The following CDKN2AIPNL variants were observed in gnomAD, a reference collection of about 807,000 sequenced individuals.
CDKN2AIPNL encodes XRN2 binding domain containing 1.
In CDKN2AIPNL, 9 loss-of-function variants were observed where a neutral mutation model predicts 12.9. The observed-to-expected ratio is 0.70, with a 90% confidence interval of 0.42 to 1.22. The LOEUF is 1.22. Ranked by LOEUF, CDKN2AIPNL falls within the 50% of genes most tolerant of loss-of-function variation. CDKN2AIPNL has a pLI of 0.00. For synonymous variants in CDKN2AIPNL, 53 were observed against 61.7 expected, an observed-to-expected ratio of 0.86 and a Z score of 0.66; for missense variants, 143 against 153.6, an observed-to-expected ratio of 0.93 and a Z score of 0.37.
chr5:134,405,753 G>A (rs1759094705), intron 2 of CDKN2AIPNL, among the ~76,000 whole-genome samples: 1 of 152,130 alleles, frequency 6.6e-6, no homozygotes, highest in African/African-American at 2.4e-5. Flanking sequence ...TCCCTCTTGG[G>A]ATAAAAATGT....
chr5:134,404,461 C>A (rs907908840), intron 2 of CDKN2AIPNL, among the ~76,000 whole-genome samples: 1 of 152,040 alleles, frequency 6.6e-6, no homozygotes, highest in African/African-American at 2.4e-5. Flanking sequence ...GTAGCTGGGA[C>A]CACAGGCATG....
At position 134,408,037 on chromosome 5, in the gene CDKN2AIPNL, G is replaced by A. The variant is rs139758781; in HGVS notation, c.339+1866C>T. ...TCCCAGCTACTGGGGAGGCTGTGGC[G>A]CTAGAATCACTTGAGCCTGGGAGGC... On this transcript the variant is annotated intron_variant, in intron 2 of 2. Transcript: ENST00000458198. Among the ~76,000 whole-genome samples, 1,258 of 151,670 alleles carry A rather than the reference G, an allele frequency of 8.3e-3. 15 individuals carry two copies. Among genetic ancestry groups the A allele is most frequent in the African/African-American group, 0.028 (1,163 of 41,338 alleles).
In CDKN2AIPNL at chr5:134,402,597, C is replaced by T. The variant is rs973701940; in HGVS notation, c.*318G>A. The T allele has an allele frequency of 1.7e-5, 4 of 236,408 alleles. No homozygotes were observed. The highest frequency in any genetic ancestry group is 2.4e-5 in the Non-Finnish European group (3 of 123,768). 14.6% of individuals were successfully genotyped at this position (236,408 alleles called of 1,614,324 possible). A position where few individuals can be genotyped will look rare whatever the true frequency, so the allele number is the denominator to read the frequency against. ...CTGCACCTTTGTGCTTCTGCCTGGG[C>T]GACAGAGTGAGACCTTGTCGATAAG... On this transcript the variant is annotated 3_prime_UTR_variant, in exon 3 of 3. Coordinates refer to ENST00000458198, the MANE Select transcript of CDKN2AIPNL (RefSeq NM_080656.3).
intron 1 of CDKN2AIPNL, chr5:134,410,879 T>C: frequency 1.6e-6 from 1 of 630,190 alleles, no homozygotes; most frequent in South Asian, 1.8e-5. Context: ...CGAAGCTCTC[T>C]AATAGGGAGT....
At chr5:134,409,791 C>G in intron 2 of CDKN2AIPNL, 112 bp downstream of exon 2, 1 of 639,404 alleles carries the variant, frequency 1.6e-6, no homozygotes, top group South Asian at 2.1e-5. Flanking sequence ...GGGTATAGGT[C>G]TTTGGGGCAG....
intron 2 of CDKN2AIPNL, among the ~76,000 whole-genome samples, chr5:134,404,789 T>C (rs1424584182): frequency 2.0e-5 from 3 of 152,140 alleles, no homozygotes; most frequent in Non-Finnish European, 4.4e-5. Context: ...TCAAATTTCT[T>C]TTTCTTTCTT....
In CDKN2AIPNL at chr5:134,411,865, G is replaced by A. The variant is rs768780912; in HGVS notation, c.-11C>T. On this transcript the variant is annotated 5_prime_UTR_variant, in exon 1 of 3. Transcript: ENST00000458198. ...CTCGCCACCGACCATGGTGCCCGCC[G>A]CAGCCGAGGACCGGATAGCCCGCCG... 3.2e-6 allele frequency: 5 copies of A among 1,556,922 alleles called. No individual in the cohort carries two copies. The highest frequency in any genetic ancestry group is 1.2e-5 in the South Asian group (1 of 85,188).
chr5:134,405,462 G>A (rs573071690), intron 2 of CDKN2AIPNL, among the ~76,000 whole-genome samples: 33 of 149,648 alleles, frequency 2.2e-4, no homozygotes, highest in African/African-American at 7.6e-4. Context: ...TGTCGCCCAG[G>A]CTGGAGTGCA....
At chr5:134,406,771 A>G (rs1759110600) in intron 2 of CDKN2AIPNL, among the ~76,000 whole-genome samples, 1 of 152,210 alleles carries the variant, frequency 6.6e-6, no homozygotes, top group Non-Finnish European at 1.5e-5. Flanking sequence ...TGGGGAGGCT[A>G]AGGTGCAAGG....
In CDKN2AIPNL at chr5:134,411,003, C is replaced by A. The variant is rs866403600; in HGVS notation, c.239+613G>T. The stretch of plus-strand genomic sequence containing the variant: ...AGCCAGGATGAAGTGGGCTTTGAGA[C>A]CTTCACAAAAAGGCATCGGCCATTT... On this transcript the variant is annotated intron_variant, in intron 1 of 2. Transcript: ENST00000458198. 1.9e-5 allele frequency: 13 copies of A among 701,626 alleles called. No homozygotes were observed. The African/African-American group carries it at 1.9e-4, about 10-fold the overall frequency. The allele number at this position is 701,626 out of a possible 1,614,324, so 43.5% of individuals were successfully genotyped here.
chr5:134,404,972 C>T (rs1296093434), intron 2 of CDKN2AIPNL, among the ~76,000 whole-genome samples: 1 of 149,538 alleles, frequency 6.7e-6, no homozygotes, highest in Admixed American at 6.7e-5. Context: ...TTTTAGTTGA[C>T]GGGGTTTTGC....
rs1181650921 is a variant in CDKN2AIPNL at position 134,411,694 on chromosome 5, G to T, written c.161C>A (p.Pro54Gln). Residue 54 changes from proline to glutamine, a missense_variant, in exon 1 of 3, where the codon CCG becomes CAG. Physicochemically the swap from Pro to Gln is moderately conservative, Grantham distance 76. Transcript: ENST00000458198. Reference protein sequence around the residue: ...ILRHLPDYRDPPDGSGRLDQL... With the variant: ...ILRHLPDYRDQPDGSGRLDQL... ...GTCCAGGCGGCCACTGCCGTCGGGC[G>T]GGTCGCGGTAGTCGGGCAGGTGGCG... 1.2e-6 allele frequency: 2 copies of T among 1,613,178 alleles called. No individual in the cohort carries two copies. The highest frequency in any genetic ancestry group is 8.5e-7 in the Non-Finnish European group (1 of 1,179,824).
chr5:134,403,253 AAC>A (rs1759055858), intron 2 of CDKN2AIPNL, among the ~76,000 whole-genome samples: 1 of 152,236 alleles, frequency 6.6e-6, no homozygotes, highest in Non-Finnish European at 1.5e-5. Flanking sequence ...GAGTCACACA[AAC>A]ACTTATTGTT....
chr5:134,407,862 G>A (rs1434479129), intron 2 of CDKN2AIPNL, among the ~76,000 whole-genome samples: 1 of 152,028 alleles, frequency 6.6e-6, no homozygotes, highest in Non-Finnish European at 1.5e-5. Flanking sequence ...TCGGCCAGGT[G>A]CAGTGGCTCA....
intron 2 of CDKN2AIPNL, among the ~76,000 whole-genome samples, chr5:134,409,442 C>T (rs1464453200): frequency 1.3e-5 from 2 of 152,192 alleles, no homozygotes; most frequent in African/African-American, 4.8e-5. Context: ...TGAGATCAGA[C>T]CCCAAAGGGT....
intron 2 of CDKN2AIPNL, among the ~76,000 whole-genome samples, chr5:134,405,910 C>T (rs1295983286): frequency 6.6e-6 from 1 of 152,168 alleles, no homozygotes; most frequent in Non-Finnish European, 1.5e-5. Flanking sequence ...GACATCTTTC[C>T]TGAGTCAGCT....
intron 2 of CDKN2AIPNL, among the ~76,000 whole-genome samples, chr5:134,408,196 T>C (rs1759133965): frequency 6.6e-6 from 1 of 152,074 alleles, no homozygotes; most frequent in Non-Finnish European, 1.5e-5. Context: ...CCCTGCCCCA[T>C]AAGGTATACT....
At chr5:134,407,937 C>A (rs955534455) in intron 2 of CDKN2AIPNL, among the ~76,000 whole-genome samples, 2 of 152,052 alleles carry the variant, frequency 1.3e-5, no homozygotes, top group Non-Finnish European at 2.9e-5. Context: ...TCAAGACCAG[C>A]CTGGACAACA....
chr5:134,402,170 C>T lies in CDKN2AIPNL; in HGVS notation c.*745G>A, dbSNP rs1312293891. ...GGAGTGCAATGGTGCGATCTTGGCT[C>T]ACTGCAACCTCCACCTCCCAGGTTC... On this transcript the variant is annotated 3_prime_UTR_variant, in exon 3 of 3. Transcript: ENST00000458198. The T allele has an allele frequency of 2.6e-5, 4 of 152,022 alleles. No homozygotes were observed. Among genetic ancestry groups the T allele is most frequent in the Non-Finnish European group, 5.9e-5 (4 of 68,058 alleles). 9.4% of individuals were successfully genotyped at this position (152,022 alleles called of 1,614,324 possible).
Sources: allele counts gnomAD v4.1 joint callset (sites outside exome capture counted in the v4.1 genomes callset), GRCh38; gene constraint gnomAD v4.1.1; transcripts MANE v1.5; gene names NCBI Gene and HGNC (gene_info 2026-07-23, HGNC 2026-07-21).